Variants in ENTREP2 observed in about 807,000 individuals in gnomAD.
The protein encoded by ENTREP2 is endosomal transmembrane epsin interactor 2.
chr15:29,219,189 T>C, the ENTREP2 span, among the ~76,000 whole-genome samples: 3 of 151,024 alleles, frequency 2.0e-5, no homozygotes. Flanking sequence ...GATATACAAA[T>C]GGCCAAGAAA....
the ENTREP2 span, among the ~76,000 whole-genome samples, chr15:29,292,789 G>T: frequency 6.6e-6 from 1 of 152,132 alleles, no homozygotes; most frequent in East Asian, 1.9e-4. Flanking sequence ...TACATCTTTG[G>T]TTTTAAAAGG....
chr15:29,290,055 T>C, the ENTREP2 span, among the ~76,000 whole-genome samples: 1 of 152,180 alleles, frequency 6.6e-6, no homozygotes, highest in African/African-American at 2.4e-5. Context: ...ACTGCTTTTG[T>C]GGATCTGGCC....
chr15:29,246,914 G>A, the ENTREP2 span, among the ~76,000 whole-genome samples: 1 of 149,972 alleles, frequency 6.7e-6, no homozygotes, highest in African/African-American at 2.5e-5. Context: ...ATGTTGAGTA[G>A]CCCACGTGTG....
the ENTREP2 span, among the ~76,000 whole-genome samples, chr15:29,628,166 A>C: frequency 6.6e-6 from 1 of 152,242 alleles, no homozygotes; most frequent in Non-Finnish European, 1.5e-5. Context: ...TGGGAGGATA[A>C]TAAGTCATCC....
chr15:29,268,572 GT>G, the ENTREP2 span: 1 of 469,018 alleles, frequency 2.1e-6, no homozygotes, highest in Admixed American at 3.8e-5. Context: ...ACCAAAAAGA[GT>G]AAAATCAAAA....
At chr15:29,636,906 A>T in the ENTREP2 span, among the ~76,000 whole-genome samples, 120 of 152,318 alleles carry the variant, frequency 7.9e-4, no homozygotes, top group Non-Finnish European at 1.4e-3. Flanking sequence ...AAACATTTCT[A>T]TATTTGTTCA....
chr15:29,212,907 G>A, the ENTREP2 span, among the ~76,000 whole-genome samples: 1 of 152,140 alleles, frequency 6.6e-6, no homozygotes, highest in African/African-American at 2.4e-5. Context: ...TTTCTTCTAG[G>A]GTTTTTATGG....
chr15:29,130,665 T>C, the ENTREP2 span, among the ~76,000 whole-genome samples: 3 of 152,168 alleles, frequency 2.0e-5, no homozygotes, highest in Non-Finnish European at 4.4e-5. Flanking sequence ...TGGCTCCCGG[T>C]CAGATTTGGT....
the ENTREP2 span, among the ~76,000 whole-genome samples, chr15:29,422,272 AAAAAAAAGAAAAAAG>A: frequency 9.9e-5 from 15 of 151,936 alleles, no homozygotes; most frequent in Admixed American, 6.6e-4. Flanking sequence ...CTCCGTGTCA[AAAAAAAAGAAAAAAG>A]AAAAAAAGAA....
At chr15:29,487,722 T>C in the ENTREP2 span, among the ~76,000 whole-genome samples, 1 of 152,226 alleles carries the variant, frequency 6.6e-6, no homozygotes. Context: ...AGACAGGGTC[T>C]CACTCTGTCA....
the ENTREP2 span, among the ~76,000 whole-genome samples, chr15:29,462,573 G>T: frequency 6.6e-6 from 1 of 152,158 alleles, no homozygotes; most frequent in East Asian, 1.9e-4. Context: ...TCGCACCACT[G>T]CAGTCCAGCT....
the ENTREP2 span, among the ~76,000 whole-genome samples, chr15:29,424,878 G>A: frequency 2.0e-5 from 3 of 152,162 alleles, no homozygotes; most frequent in African/African-American, 7.2e-5. Flanking sequence ...GTGTCTCCAA[G>A]TATCTTGTTC....
At chr15:29,412,800 T>C in the ENTREP2 span, among the ~76,000 whole-genome samples, 9 of 152,138 alleles carry the variant, frequency 5.9e-5, no homozygotes, top group Admixed American at 1.3e-4. Flanking sequence ...TGCAGCCTTA[T>C]ATTCTATTTC....
the ENTREP2 span, among the ~76,000 whole-genome samples, chr15:29,365,798 G>A: frequency 3.3e-5 from 5 of 151,234 alleles, no homozygotes; most frequent in Non-Finnish European, 7.4e-5. Flanking sequence ...ACCTAAACAC[G>A]CTTTACTTGG....
chr15:29,304,654 C>T, the ENTREP2 span, among the ~76,000 whole-genome samples: 2 of 152,306 alleles, frequency 1.3e-5, no homozygotes, highest in East Asian at 1.9e-4. Flanking sequence ...TAACACCTCC[C>T]AGTGGCTCCC....
At chr15:29,429,941 AC>A in the ENTREP2 span, among the ~76,000 whole-genome samples, 1 of 152,068 alleles carries the variant, frequency 6.6e-6, no homozygotes, top group Non-Finnish European at 1.5e-5. Flanking sequence ...CCACCCACAT[AC>A]CCCATCTATA....
the ENTREP2 span, among the ~76,000 whole-genome samples, chr15:29,118,999 G>A: frequency 6.6e-6 from 1 of 152,128 alleles, no homozygotes; most frequent in African/African-American, 2.4e-5. Flanking sequence ...CCACCTTCAC[G>A]GCCCAGGATT....
chr15:29,182,435 A>G, the ENTREP2 span, among the ~76,000 whole-genome samples: 1 of 152,108 alleles, frequency 6.6e-6, no homozygotes, highest in African/African-American at 2.4e-5. Context: ...AACTAAAAAA[A>G]TTTTAAACTC....
chr15:29,496,580 G>A, the ENTREP2 span, among the ~76,000 whole-genome samples: 29 of 151,898 alleles, frequency 1.9e-4, no homozygotes, highest in African/African-American at 6.8e-4. Flanking sequence ...TTGTGTTGAG[G>A]CATATTATTT....
Sources: gnomAD v4.1 joint callset for allele counts (sites outside exome capture counted in the v4.1 genomes callset) on GRCh38, gnomAD v4.1.1 for gene constraint, MANE v1.5 for transcripts, NCBI Gene and HGNC (gene_info 2026-07-23, HGNC 2026-07-21) for gene names.